Variants in NSD2 observed in about 807,000 individuals in gnomAD.
The protein encoded by NSD2 is nuclear receptor binding SET domain protein 2, also known as histone-lysine N-methyltransferase NSD2.
In NSD2, 12 loss-of-function variants were observed where a neutral mutation model predicts 139.0. That is an observed-to-expected ratio of 0.09 (90% CI 0.06 to 0.14). NSD2 has a LOEUF of 0.14. NSD2 is among the 10% of genes least tolerant of loss of function. The probability of loss-of-function intolerance (pLI) is 1.00; values close to 1 mark genes in which losing one functional copy is unlikely to be tolerated. For synonymous variants in NSD2, 669 were observed against 648.7 expected (o/e 1.03, Z -0.48); for missense variants, 1,155 against 1,745.0 (o/e 0.66, Z 6.02).
intron 15 of NSD2, 53 bp from the exon 16 acceptor site, chr4:1,957,880 G>T (rs946501414): frequency 1.6e-5 from 24 of 1,495,196 alleles, no homozygotes; most frequent in South Asian, 5.8e-5. Context: ...GAGCTTGAAA[G>T]GTAGTTACCT....
intron 18 of NSD2, among the ~76,000 whole-genome samples, chr4:1,964,870 A>G (rs1029260899): frequency 6.6e-6 from 1 of 152,134 alleles, no homozygotes; most frequent in Admixed American, 6.5e-5. Context: ...ACAGCTCAAA[A>G]AAGATCTGGA....
Position 1,972,815 on chromosome 4 carries a change from C to G in NSD2, c.3373-2048C>G, listed in dbSNP as rs1224248560. On this transcript the variant is annotated intron_variant, in intron 18 of 21. Transcript: ENST00000508803. The surrounding 1 kb of genome is among the most constrained non-coding windows in gnomAD (Gnocchi z 4.0). The stretch of plus-strand genomic sequence containing the variant: ...GAAAAGACATTGTGCACGGAAGATT[C>G]CATTGGGAGCTGGGAAGCTATGGGA... 6.6e-6 allele frequency among the ~76,000 whole-genome samples: 1 copy of G among 152,186 alleles called. No individual in the cohort carries two copies. The highest frequency in any genetic ancestry group is 1.9e-4 in the East Asian group (1 of 5,192).
chr4:1,898,628 C>A (rs1716718380), intron 1 of NSD2, among the ~76,000 whole-genome samples: 1 of 149,584 alleles, frequency 6.7e-6, no homozygotes, highest in Non-Finnish European at 1.5e-5. Context: ...CCACTGCAGT[C>A]CAACCTGGGT....
intron 21 of NSD2, among the ~76,000 whole-genome samples, chr4:1,977,847 C>T (rs750031567): frequency 1.3e-5 from 2 of 150,558 alleles, no homozygotes; most frequent in Non-Finnish European, 3.0e-5. Flanking sequence ...AAATCCAGGC[C>T]AGGCACGGTG....
chr4:1,950,817 TTA>T (rs1417250714), intron 9 of NSD2, among the ~76,000 whole-genome samples: 1 of 152,264 alleles, frequency 6.6e-6, no homozygotes, highest in Non-Finnish European at 1.5e-5. Context: ...AATATGCCTC[TTA>T]TATGCATATA....
rs2109042787 is a variant in NSD2, at chr4:1,980,704, A to G, written c.*1795A>G. The G allele has an allele frequency of 4.3e-6, 1 of 233,176 alleles. No individual in the cohort carries two copies. The highest frequency in any genetic ancestry group is 5.6e-5 in the Admixed American group (1 of 17,788). The allele number at this position is 233,176 out of a possible 1,614,324, so 14.4% of individuals were successfully genotyped here. A position where few individuals can be genotyped will look rare whatever the true frequency, so the allele number is the denominator to read the frequency against. On this transcript the variant is annotated 3_prime_UTR_variant, in exon 22 of 22. Coordinates refer to ENST00000508803, the MANE Select transcript of NSD2 (RefSeq NM_001042424.3). The stretch of plus-strand genomic sequence containing the variant: ...CTTCTCCCATCAGGGTCCCCAGCAA[A>G]GTTAACTACACAGAGGACCCAGGGG...
intron 1 of NSD2, among the ~76,000 whole-genome samples, chr4:1,874,510 C>T (rs1049156180): frequency 2.6e-5 from 4 of 152,086 alleles, no homozygotes; most frequent in African/African-American, 7.2e-5. Context: ...CAGTAAGTGC[C>T]GAATAAATGG....
In NSD2 at chr4:1,981,104, G is replaced by A. The variant is rs991474842; in HGVS notation, c.*2195G>A. Reference sequence around the variant, plus strand: ...TAACTTATTTTTGTGTTGGACAGTAGTGAAATCTTGTGATTTTTAATCGCT... The same window carrying A: ...TAACTTATTTTTGTGTTGGACAGTAATGAAATCTTGTGATTTTTAATCGCT... On this transcript the variant is annotated 3_prime_UTR_variant, in exon 22 of 22. Coordinates refer to ENST00000508803, the MANE Select transcript of NSD2 (RefSeq NM_001042424.3). The A allele has an allele frequency of 8.6e-6, 2 of 233,168 alleles. No homozygotes were observed. The highest frequency in any genetic ancestry group is 1.7e-5 in the Non-Finnish European group (2 of 118,042). The allele number at this position is 233,168 out of a possible 1,614,324, so 14.4% of individuals were successfully genotyped here. A position where few individuals can be genotyped will look rare whatever the true frequency, so the allele number is the denominator to read the frequency against.
intron 1 of NSD2, among the ~76,000 whole-genome samples, chr4:1,872,815 T>C (rs1043410233): frequency 2.0e-5 from 3 of 152,204 alleles, no homozygotes; most frequent in Non-Finnish European, 2.9e-5. Flanking sequence ...AATATCAACG[T>C]GGAAAATAAC....
At chr4:1,963,106 C>T (rs563677800) in intron 18 of NSD2, among the ~76,000 whole-genome samples, 12 of 152,300 alleles carry the variant, frequency 7.9e-5, no homozygotes, top group African/African-American at 2.6e-4. Context: ...AGTGACTCTT[C>T]AGCAACACCC....
At position 1,900,699 on chromosome 4, in the gene NSD2, T is replaced by C. The variant is rs1422965758; in HGVS notation, c.45T>C (p.Val15=). 2.5e-6 allele frequency: 4 copies of C among 1,612,562 alleles called. No homozygotes were observed. The East Asian group carries it at 6.7e-5, about 27-fold the overall frequency. The change falls in exon 2 of 22, where the codon GTT becomes GTC. Residue 15 remains valine (V), a synonymous_variant. Coordinates refer to ENST00000508803, the MANE Select transcript of NSD2 (RefSeq NM_001042424.3). ...IKQSPLSVQS[V]VKCIKMKQAP... is the part of the protein sequence containing the mutation. The stretch of plus-strand genomic sequence containing the variant: ...AGAGTCCCCTTTCTGTTCAGAGTGT[T>C]GTAAAGTGCATAAAGATGAAGCAGG...
chr4:1,981,341 G>A lies in NSD2; in HGVS notation c.*2432G>A. ...GTTTCTCGCCACTGGGGCTGACCACGCCCCCAGCTGTGACCGTGGGTGTGG... is the reference window on the plus strand; with the variant it reads ...GTTTCTCGCCACTGGGGCTGACCACACCCCCAGCTGTGACCGTGGGTGTGG... On this transcript the variant is annotated 3_prime_UTR_variant, in exon 22 of 22. Coordinates refer to ENST00000508803, the MANE Select transcript of NSD2 (RefSeq NM_001042424.3). 1 of 233,336 alleles carries A rather than the reference G, an allele frequency of 4.3e-6. No individual in the cohort carries two copies. Among genetic ancestry groups the A allele is most frequent in the Non-Finnish European group, 8.5e-6 (1 of 118,098 alleles). The allele number at this position is 233,336 out of a possible 1,614,324, so 14.5% of individuals were successfully genotyped here.
intron 11 of NSD2, 110 bp downstream of exon 11, chr4:1,952,341 AC>A: frequency 6.8e-7 from 1 of 1,466,064 alleles, no homozygotes; most frequent in Admixed American, 2.0e-5. Context: ...CCCCCTCCCC[AC>A]CCCCACCGCC....
At chr4:1,929,382 C>T (rs1721357422) in intron 5 of NSD2, among the ~76,000 whole-genome samples, 1 of 152,130 alleles carries the variant, frequency 6.6e-6, no homozygotes, top group Non-Finnish European at 1.5e-5. Context: ...CTTACCACTG[C>T]CAGGTGGAGT....
intron 15 of NSD2, among the ~76,000 whole-genome samples, chr4:1,957,001 G>A (rs1221328065): frequency 2.0e-5 from 3 of 152,138 alleles, no homozygotes; most frequent in Non-Finnish European, 4.4e-5. Flanking sequence ...TTATTAAGAG[G>A]GCGAGACGAA....
chr4:1,918,238 C>G lies in NSD2; in HGVS notation c.1025C>G (p.Ala342Gly). ...AASMSVEERKAKFTFLYVGDQ... is the reference protein window; with the variant it reads ...AASMSVEERKGKFTFLYVGDQ... ...AGCATGTCAGTGGAGGAGCGGAAAG[C>G]CAAGTTCACCTTTCTCTATGTGGGG... The change falls in exon 5 of 22, where the codon GCC (alanine) becomes GGC (glycine). Residue 342 changes from alanine (A) to glycine (G), a missense_variant. Ala to Gly is a moderately conservative substitution (Grantham distance 60). Transcript: ENST00000508803. The G allele has an allele frequency of 1.2e-6, 2 of 1,613,676 alleles. No homozygotes were observed. The highest frequency in any genetic ancestry group is 8.5e-7 in the Non-Finnish European group (1 of 1,179,980).
Position 1,976,427 on chromosome 4 carries a change from A to G in NSD2, c.3622-48A>G. 2.5e-6 allele frequency: 4 copies of G among 1,586,498 alleles called. No individual in the cohort carries two copies. Among genetic ancestry groups the G allele is most frequent in the Non-Finnish European group, 3.4e-6 (4 of 1,164,946 alleles). On this transcript the variant is annotated intron_variant, in intron 20 of 21. Coordinates refer to ENST00000508803, the MANE Select transcript of NSD2 (RefSeq NM_001042424.3). This position sits in a 1 kb window ranked among gnomAD's most constrained non-coding sequence, Gnocchi z 5.3. ...CTCGCTCTTCTGCCCTATTTGCTTCAGCCTGTGTAATTCTTTCCGGTGATC... is the reference window on the plus strand; with the variant it reads ...CTCGCTCTTCTGCCCTATTTGCTTCGGCCTGTGTAATTCTTTCCGGTGATC...
intron 12 of NSD2, chr4:1,954,760 T>C: frequency 6.0e-6 from 1 of 167,190 alleles, no homozygotes; most frequent in South Asian, 1.8e-4. Flanking sequence ...GTGGCAGGTT[T>C]TCTGTACTTC....
At chr4:1,891,927 AG>A (rs1288452178) in intron 1 of NSD2, among the ~76,000 whole-genome samples, 1 of 151,692 alleles carries the variant, frequency 6.6e-6, no homozygotes, top group Non-Finnish European at 1.5e-5. Context: ...AATGCACACT[AG>A]GGCTTACCCA....
Sources: gnomAD v4.1 joint callset for allele counts (sites outside exome capture counted in the v4.1 genomes callset) on GRCh38, gnomAD v4.1.1 for gene constraint, Gnocchi (gnomAD v3.1) non-coding constraint, MANE v1.5 for transcripts, NCBI Gene and HGNC (gene_info 2026-07-23, HGNC 2026-07-21) for gene names.